Variants in FGF12 observed in about 807,000 individuals in gnomAD.
FGF12 encodes fibroblast growth factor 12.
FGF12 carries 14 observed loss-of-function variants against 23.6 expected under a neutral mutation model. That is an observed-to-expected ratio of 0.59 (90% CI 0.39 to 0.93). The LOEUF (loss-of-function observed/expected upper bound fraction) is 0.93. Among genes scored for constraint, FGF12 ranks in the 40% least tolerant of loss-of-function variants. The pLI is 0.00. For missense variants in FGF12, 175 were observed against 217.8 expected (o/e 0.80, Z 1.24); for synonymous variants, 62 against 77.3 (o/e 0.80, Z 1.04).
chr3:192,362,193 G>A (rs540820116), intron 2 of FGF12, among the ~76,000 whole-genome samples: 1 of 152,058 alleles, frequency 6.6e-6, no homozygotes, highest in East Asian at 1.9e-4. Flanking sequence ...CTATGGACAA[G>A]TCAGGGACAC....
At chr3:192,261,414 C>T (rs1712744171) in intron 4 of FGF12, among the ~76,000 whole-genome samples, 1 of 152,178 alleles carries the variant, frequency 6.6e-6, no homozygotes, top group Admixed American at 6.5e-5. Context: ...GCTATACTTC[C>T]GTTTCCAACC....
chr3:192,483,147 A>G lies in FGF12; in HGVS notation c.14-122609T>C, dbSNP rs147068843. 3.7e-3 allele frequency among the ~76,000 whole-genome samples: 556 copies of G among 152,272 alleles called. 1 individual carries two copies. The highest frequency in any genetic ancestry group is 0.013 in the African/African-American group (528 of 41,556). ...AGCACCCCTTATGTTAGCCACTTAC[A>G]TATCTTGGCTCTTGTTATTCCTCCT... is the stretch of plus-strand genomic sequence containing the variant. On this transcript the variant is annotated intron_variant, in intron 2 of 5. Coordinates refer to ENST00000445105, the MANE Select transcript of FGF12 (RefSeq NM_004113.6).
chr3:192,407,937 T>G, intron 2 of FGF12: 2 of 1,373,804 alleles, frequency 1.5e-6, no homozygotes, highest in Non-Finnish European at 2.0e-6. Context: ...GGAATCCTGG[T>G]TCCCTTCCAC....
At chr3:192,712,057 A>G (rs1436772867) in intron 2 of FGF12, among the ~76,000 whole-genome samples, 1 of 151,938 alleles carries the variant, frequency 6.6e-6, no homozygotes, top group African/African-American at 2.4e-5. Context: ...AAGAAAACAG[A>G]CAAATAAGCC....
chr3:192,365,976 T>TAAA (rs5855421), intron 2 of FGF12, among the ~76,000 whole-genome samples: 2 of 130,782 alleles, frequency 1.5e-5, no homozygotes, highest in Non-Finnish European at 1.7e-5. Context: ...GCTTCAAAGG[T>TAAA]AAAAAAAAAA....
chr3:192,720,272 G>A (rs1391799795), intron 2 of FGF12, among the ~76,000 whole-genome samples: 2 of 152,240 alleles, frequency 1.3e-5, no homozygotes, highest in Non-Finnish European at 2.9e-5. Context: ...AATGGGGCTT[G>A]TTTCAGGTAA....
chr3:192,328,109 G>A lies in FGF12; in HGVS notation c.228+7252C>T, dbSNP rs116056455. ...AGACGGTAGTCAGATGAGTGAGGGCGTGGGACTGGAAGCAGAGTCACAGGT... is the reference window on the plus strand; with the variant it reads ...AGACGGTAGTCAGATGAGTGAGGGCATGGGACTGGAAGCAGAGTCACAGGT... On this transcript the variant is annotated intron_variant, in intron 4 of 5. Transcript: ENST00000445105. Among the ~76,000 whole-genome samples the A allele has an allele frequency of 1.8e-3, 281 of 152,300 alleles. 2 individuals carry two copies. The highest frequency in any genetic ancestry group is 0.01 in the Middle Eastern group (3 of 294).
chr3:192,198,181 T>C (rs1717176984), intron 4 of FGF12, among the ~76,000 whole-genome samples: 1 of 152,094 alleles, frequency 6.6e-6, no homozygotes, highest in Admixed American at 6.6e-5. Context: ...GATAAAAAGA[T>C]ATGAAAAGCA....
intron 3 of FGF12, among the ~76,000 whole-genome samples, chr3:192,343,363 T>G (rs1313594986): frequency 1.3e-5 from 2 of 152,166 alleles, no homozygotes; most frequent in African/African-American, 4.8e-5. Context: ...AGAGTGTGAA[T>G]AAGATCATAT....
intron 2 of FGF12, among the ~76,000 whole-genome samples, chr3:192,365,976 TA>T (rs5855421): frequency 0.018 from 2,370 of 130,726 alleles, 44 homozygotes; most frequent in African/African-American, 0.046. Context: ...GCTTCAAAGG[TA>T]AAAAAAAAAA....
At chr3:192,555,738 C>T (rs1007477992) in intron 2 of FGF12, among the ~76,000 whole-genome samples, 93 of 148,746 alleles carry the variant, frequency 6.3e-4, no homozygotes, top group Non-Finnish European at 1.1e-3. Flanking sequence ...GTGGAGATTG[C>T]AGCGAGCCGA....
At position 192,408,956 on chromosome 3, in the gene FGF12, G is replaced by A. The variant is rs1576959892; in HGVS notation, c.14-48418C>T. On this transcript the variant is annotated intron_variant, in intron 2 of 5. Coordinates refer to ENST00000445105, the MANE Select transcript of FGF12 (RefSeq NM_004113.6). This position sits in a 1 kb window ranked among gnomAD's most constrained non-coding sequence, Gnocchi z 7.3. The stretch of plus-strand genomic sequence containing the variant: ...CGAGTTCTGGAATTCCGAGAGGCGC[G>A]AAGTGGGAGCGGTTACCCGGAGTCT... 1 of 984,992 alleles carries A rather than the reference G, an allele frequency of 1.0e-6. No individual in the cohort carries two copies. Among genetic ancestry groups the A allele is most frequent in the Non-Finnish European group, 1.2e-6 (1 of 829,860 alleles). 61.0% of individuals were successfully genotyped at this position (984,992 alleles called of 1,614,324 possible).
rs548051886 is a variant in FGF12 at position 192,317,984 on chromosome 3, C to A, written c.228+17377G>T. On this transcript the variant is annotated intron_variant, in intron 4 of 5. Coordinates refer to ENST00000445105, the MANE Select transcript of FGF12 (RefSeq NM_004113.6). Reference sequence around the variant, plus strand: ...ATTCTCCCAATCTTACCCAAAACACCAAGATGGTACCTCTTGTGAGTCTAC... The same window carrying A: ...ATTCTCCCAATCTTACCCAAAACACAAAGATGGTACCTCTTGTGAGTCTAC... 2.0e-5 allele frequency among the ~76,000 whole-genome samples: 3 copies of A among 152,116 alleles called. No individual in the cohort carries two copies. In the South Asian group the frequency reaches 6.2e-4, roughly 32 times the overall value.
chr3:192,639,046 A>G, intron 2 of FGF12, among the ~76,000 whole-genome samples: 1 of 152,218 alleles, frequency 6.6e-6, no homozygotes. Context: ...TTTGCAAACC[A>G]TACATCTGAT....
In FGF12 at chr3:192,312,734, G is replaced by A. The variant is rs6801542; in HGVS notation, c.228+22627C>T. Among the ~76,000 whole-genome samples, 555 of 140,962 alleles carry A rather than the reference G, an allele frequency of 3.9e-3. 7 individuals are homozygous for A. The highest frequency in any genetic ancestry group is 0.015 in the African/African-American group (528 of 34,094). The allele number at this position is 140,962 out of a possible 152,430, so 92.5% of individuals were successfully genotyped here. A position where few individuals can be genotyped will look rare whatever the true frequency, so the allele number is the denominator to read the frequency against. On this transcript the variant is annotated intron_variant, in intron 4 of 5. Coordinates refer to ENST00000445105, the MANE Select transcript of FGF12 (RefSeq NM_004113.6). ...TGCACTCCAGCCTGGGCAACAGAGT[G>A]AGACTCGGTCTCAAAAAAAAAAAAA...
intron 4 of FGF12, among the ~76,000 whole-genome samples, chr3:192,211,350 T>G (rs1717918167): frequency 6.6e-6 from 1 of 152,156 alleles, no homozygotes; most frequent in Non-Finnish European, 1.5e-5. Context: ...GGATGGAGCA[T>G]AGTAGAAGAG....
At chr3:192,468,780 C>G (rs559429512) in intron 2 of FGF12, among the ~76,000 whole-genome samples, 3 of 152,266 alleles carry the variant, frequency 2.0e-5, no homozygotes, top group Non-Finnish European at 2.9e-5. Context: ...TCAAAAACTT[C>G]CCCCTGATTT....
chr3:192,259,699 A>T (rs956422426), intron 4 of FGF12, among the ~76,000 whole-genome samples: 1 of 152,208 alleles, frequency 6.6e-6, no homozygotes, highest in Non-Finnish European at 1.5e-5. Context: ...AGAAGAAACA[A>T]TCAGAAATTC....
chr3:192,716,498 A>C (rs921194494), intron 2 of FGF12, among the ~76,000 whole-genome samples: 2 of 152,204 alleles, frequency 1.3e-5, no homozygotes, highest in African/African-American at 2.4e-5. Flanking sequence ...TCTTAACTAC[A>C]TTGTTTTAAA....
Sources: gnomAD v4.1 joint callset for allele counts (sites outside exome capture counted in the v4.1 genomes callset) on GRCh38, gnomAD v4.1.1 for gene constraint, Gnocchi (gnomAD v3.1) non-coding constraint, MANE v1.5 for transcripts, NCBI Gene and HGNC (gene_info 2026-07-23, HGNC 2026-07-21) for gene names.